ZFAT: variants seen among roughly 807,000 people sequenced by gnomAD.
The protein encoded by ZFAT is zinc finger and AT-hook domain containing.
In ZFAT, 64 loss-of-function variants were observed where a neutral mutation model predicts 117.7. The ratio of observed to expected loss-of-function variants is 0.54; its 90% CI spans 0.44 to 0.67. The LOEUF (loss-of-function observed/expected upper bound fraction) is 0.67, where lower values mean the gene tolerates loss of function less well. Ranked by LOEUF, ZFAT falls within the 30% of genes least tolerant of loss-of-function variation. The probability of loss-of-function intolerance (pLI) is 0.00; values close to 1 mark genes in which losing one functional copy is unlikely to be tolerated. For missense variants in ZFAT, 1,433 were observed against 1,584.5 expected (o/e 0.90, Z 1.62); for synonymous variants, 679 against 615.0 (o/e 1.10, Z -1.54).
At chr8:134,519,827 T>A (rs185598238) in intron 13 of ZFAT, among the ~76,000 whole-genome samples, 2 of 152,256 alleles carry the variant, frequency 1.3e-5, no homozygotes, top group South Asian at 2.1e-4. Flanking sequence ...GACACACATT[T>A]TTTTTTTTAT....
intron 7 of ZFAT, chr8:134,598,979 G>C (rs1187572976): frequency 1.3e-5 from 2 of 152,162 alleles, no homozygotes; most frequent in Non-Finnish European, 2.9e-5. Context: ...ATATTCAAAG[G>C]CTTCTCCCAA....
At chr8:134,567,270 A>G (rs2130781413) in intron 10 of ZFAT, among the ~76,000 whole-genome samples, 1 of 152,150 alleles carries the variant, frequency 6.6e-6, no homozygotes, top group Non-Finnish European at 1.5e-5. Flanking sequence ...CAAAATCTTT[A>G]TGGCCCTAAC....
chr8:134,737,131 T>G, the ZFAT span, among the ~76,000 whole-genome samples: 1 of 151,904 alleles, frequency 6.6e-6, no homozygotes, highest in African/African-American at 2.4e-5. Flanking sequence ...AAATACAAAA[T>G]TAGCTGGACG....
intron 1 of ZFAT, among the ~76,000 whole-genome samples, chr8:134,667,626 G>C (rs1020528076): frequency 6.6e-6 from 1 of 151,852 alleles, no homozygotes; most frequent in Non-Finnish European, 1.5e-5. Flanking sequence ...AAAAAGAGGG[G>C]GGCAGCTCCA....
At chr8:134,731,460 C>T in the ZFAT span, among the ~76,000 whole-genome samples, 3 of 152,206 alleles carry the variant, frequency 2.0e-5, no homozygotes, top group African/African-American at 4.8e-5. Flanking sequence ...TTCAGCTTTG[C>T]AGGCCATATG....
At chr8:134,569,166 A>G (rs1824694558) in intron 10 of ZFAT, among the ~76,000 whole-genome samples, 1 of 152,170 alleles carries the variant, frequency 6.6e-6, no homozygotes, top group Non-Finnish European at 1.5e-5. Context: ...AAATCTTACC[A>G]TGCACCAAAA....
chr8:134,559,788 AACTT>A (rs1324478094), intron 11 of ZFAT, among the ~76,000 whole-genome samples: 1 of 152,192 alleles, frequency 6.6e-6, no homozygotes, highest in Non-Finnish European at 1.5e-5. Context: ...GAGGTTGGAC[AACTT>A]ATCATACACT....
At chr8:134,716,189 A>ATC (rs1814210165), upstream of ZFAT, among the ~76,000 whole-genome samples, 1 of 151,588 alleles carries the variant, frequency 6.6e-6, no homozygotes, top group Non-Finnish European at 1.5e-5. Context: ...ACACATATAT[A>ATC]TATATATGCA....
Position 134,527,759 on chromosome 8 carries a change from GA to G in ZFAT, c.3115+5074del. On this transcript the variant is annotated intron_variant, in intron 12 of 15. Coordinates refer to ENST00000377838, the MANE Select transcript of ZFAT (RefSeq NM_020863.4). ...GAGCAAAAGGGAAAATGCAGCAGAG[GA>G]AACAAAGTGCATTTTATTATCAGCC... Among the ~76,000 whole-genome samples, 6 of 152,236 alleles carry G rather than the reference GA, an allele frequency of 3.9e-5. 1 individual carries two copies. Among genetic ancestry groups the G allele is most frequent in the Admixed American group, 3.9e-4 (6 of 15,292 alleles).
chr8:134,660,018 C>G (rs1831848876), intron 1 of ZFAT, among the ~76,000 whole-genome samples: 2 of 152,190 alleles, frequency 1.3e-5, no homozygotes, highest in African/African-American at 2.4e-5. Flanking sequence ...TTATTTTTTT[C>G]CAGGAAACGT....
the ZFAT span, among the ~76,000 whole-genome samples, chr8:134,780,773 T>A: frequency 6.6e-6 from 1 of 152,196 alleles, no homozygotes; most frequent in African/African-American, 2.4e-5. Context: ...TTGAAAAAAA[T>A]GCAGGACCCA....
the ZFAT span, among the ~76,000 whole-genome samples, chr8:134,734,944 C>T: frequency 6.6e-6 from 1 of 152,178 alleles, no homozygotes; most frequent in Non-Finnish European, 1.5e-5. Context: ...CCGTTCCTCT[C>T]AAGTCTGTCA....
At chr8:134,724,875 C>A in the ZFAT span, among the ~76,000 whole-genome samples, 13 of 152,228 alleles carry the variant, frequency 8.5e-5, no homozygotes, top group East Asian at 2.5e-3. Context: ...TCTCCCTTTG[C>A]GAACTGAAGT....
chr8:134,656,480 C>A (rs1353836740), intron 2 of ZFAT, among the ~76,000 whole-genome samples: 1 of 152,184 alleles, frequency 6.6e-6, no homozygotes, highest in African/African-American at 2.4e-5. Flanking sequence ...CACTTTATGC[C>A]ACTAACAGTA....
chr8:134,584,026 A>G (rs1388320953), intron 9 of ZFAT, 21 bp from the exon 10 acceptor site: 3 of 1,547,458 alleles, frequency 1.9e-6, no homozygotes, highest in South Asian at 1.2e-5. Context: ...AAAAATGTAT[A>G]TATCTCTATA....
intron 1 of ZFAT, chr8:134,696,324 A>C: frequency 2.2e-5 from 21 of 945,388 alleles, no homozygotes; most frequent in East Asian, 1.2e-4. Flanking sequence ...CGTTCCTGCC[A>C]GGAGTTGCTA....
At chr8:134,714,630 A>G (rs547692947), upstream of ZFAT, among the ~76,000 whole-genome samples, 12 of 152,336 alleles carry the variant, frequency 7.9e-5, no homozygotes, top group South Asian at 2.3e-3. Flanking sequence ...GCTCACAGAT[A>G]TAGCCTCCCC....
At chr8:134,779,756 T>C in the ZFAT span, among the ~76,000 whole-genome samples, 2 of 152,240 alleles carry the variant, frequency 1.3e-5, no homozygotes, top group East Asian at 1.9e-4. Context: ...CTCCCTATTA[T>C]ACTTTTACAG....
the ZFAT span, among the ~76,000 whole-genome samples, chr8:134,803,030 T>C: frequency 6.6e-6 from 1 of 152,206 alleles, no homozygotes; most frequent in African/African-American, 2.4e-5. Flanking sequence ...GACATCGTCT[T>C]TGATTCACCT....
Sources: allele counts gnomAD v4.1 joint callset (sites outside exome capture counted in the v4.1 genomes callset), GRCh38; gene constraint gnomAD v4.1.1; transcripts MANE v1.5; gene names NCBI Gene and HGNC (gene_info 2026-07-23, HGNC 2026-07-21).